The following RUNX1 variants were observed in gnomAD, a reference collection of about 807,000 sequenced individuals.
RUNX1 encodes runt-related transcription factor 1.
RUNX1 carries 19 observed loss-of-function variants against 42.8 expected under a neutral mutation model. The observed-to-expected ratio is 0.44, with a 90% CI of 0.31 to 0.65. The LOEUF is 0.65. Among genes scored for constraint, RUNX1 ranks in the 30% least tolerant of loss-of-function variants. The pLI is 0.07. For synonymous variants in RUNX1, 271 were observed against 289.4 expected, an observed-to-expected ratio of 0.94 and a Z score of 0.64; for missense variants, 528 against 672.0, an observed-to-expected ratio of 0.79 and a Z score of 2.37.
chr21:34,936,786 C>T (rs547496607), intron 2 of RUNX1, among the ~76,000 whole-genome samples: 4 of 152,258 alleles, frequency 2.6e-5, no homozygotes, highest in Admixed American at 6.5e-5. Context: ...TCGAAGCATT[C>T]GTCTCTGGTT....
chr21:35,044,969 G>C (rs2059385842), intron 2 of RUNX1, among the ~76,000 whole-genome samples: 1 of 152,168 alleles, frequency 6.6e-6, no homozygotes, highest in Non-Finnish European at 1.5e-5. Flanking sequence ...GTGAGCAGCT[G>C]TGGGGCCTCC....
intron 2 of RUNX1, among the ~76,000 whole-genome samples, chr21:34,894,437 GT>G (rs1263794139): frequency 6.6e-6 from 1 of 152,030 alleles, no homozygotes; most frequent in Non-Finnish European, 1.5e-5. Context: ...AACTTTCTTA[GT>G]TTGTTGTGTA....
intron 2 of RUNX1, among the ~76,000 whole-genome samples, chr21:34,989,014 C>CTCTCT (rs752573187): frequency 4.1e-5 from 6 of 145,854 alleles, no homozygotes; most frequent in African/African-American, 1.6e-4. Flanking sequence ...CTCTCTCTCT[C>CTCTCT]TTTTTTTTTT....
chr21:34,860,238 T>C (rs2248735), intron 5 of RUNX1, among the ~76,000 whole-genome samples: 37,031 of 152,152 alleles, frequency 0.24, 5,059 homozygotes, highest in Middle Eastern at 0.39. Flanking sequence ...ATGCACAAAA[T>C]TTCCATTACA....
intron 3 of RUNX1, chr21:34,889,657 G>GCCCCAGGTGCGGAACCCA (rs1324656244): frequency 6.3e-5 from 71 of 1,125,746 alleles, no homozygotes; most frequent in Non-Finnish European, 7.3e-5. Context: ...CGCTCGAGCG[G>GCCCCAGGTGCGGAACCCA]CCCCAGGTGC....
chr21:34,882,223 C>G (rs1320789995), intron 4 of RUNX1, among the ~76,000 whole-genome samples: 3 of 152,186 alleles, frequency 2.0e-5, no homozygotes, highest in Non-Finnish European at 4.4e-5. Context: ...TCAAGATTCC[C>G]ATTTTCATGA....
At chr21:34,936,055 T>A (rs1276278481) in intron 2 of RUNX1, among the ~76,000 whole-genome samples, 1 of 152,170 alleles carries the variant, frequency 6.6e-6, no homozygotes, top group Non-Finnish European at 1.5e-5. Flanking sequence ...AAGAGGTGAC[T>A]AACATGGCGG....
chr21:34,973,761 C>T (rs1212504888), intron 2 of RUNX1, among the ~76,000 whole-genome samples: 2 of 152,214 alleles, frequency 1.3e-5, no homozygotes, highest in Non-Finnish European at 2.9e-5. Context: ...TCATCTGACA[C>T]TGTTAGCTTC....
intron 6 of RUNX1, among the ~76,000 whole-genome samples, chr21:34,858,949 C>T (rs2057532249): frequency 6.6e-6 from 1 of 152,174 alleles, no homozygotes; most frequent in Admixed American, 6.5e-5. Context: ...CTTCTACCCT[C>T]CCACTCTCTA....
chr21:34,831,626 C>T (rs956290640), intron 7 of RUNX1, among the ~76,000 whole-genome samples: 1 of 152,210 alleles, frequency 6.6e-6, no homozygotes, highest in African/African-American at 2.4e-5. Flanking sequence ...CACTGTGGAA[C>T]TACTCTGACA....
At chr21:34,848,013 T>C (rs1482089282) in intron 6 of RUNX1, among the ~76,000 whole-genome samples, 2 of 152,180 alleles carry the variant, frequency 1.3e-5, no homozygotes, top group Non-Finnish European at 2.9e-5. Flanking sequence ...ATAAGGTCTT[T>C]GGGACATGGT....
chr21:34,935,141 T>C (rs1247506696), intron 2 of RUNX1, among the ~76,000 whole-genome samples: 1 of 152,214 alleles, frequency 6.6e-6, no homozygotes, highest in Non-Finnish European at 1.5e-5. Flanking sequence ...ACTTCTATAA[T>C]GAAAATAATC....
rs377088907 is a variant in RUNX1 at position 34,935,655 on chromosome 21, T to A, written c.59-42692A>T. 3.0e-4 allele frequency among the ~76,000 whole-genome samples: 46 copies of A among 152,102 alleles called. 2 individuals carry two copies. The highest frequency in any genetic ancestry group is 1.1e-3 in the African/African-American group (45 of 41,460). On this transcript the variant is annotated intron_variant, in intron 2 of 8. Transcript: ENST00000675419. The stretch of plus-strand genomic sequence containing the variant: ...CTCTTGACATTTTGGGCTGGATGAA[T>A]CATTGCTGTGGAGAGCTATGCTGTG...
chr21:34,975,170 CT>C (rs1164542962), intron 2 of RUNX1, among the ~76,000 whole-genome samples: 1 of 152,234 alleles, frequency 6.6e-6, no homozygotes, highest in Non-Finnish European at 1.5e-5. Context: ...AGACTTCCCC[CT>C]GGATCTTTTC....
At chr21:34,937,640 A>G (rs377534887) in intron 2 of RUNX1, among the ~76,000 whole-genome samples, 8 of 151,484 alleles carry the variant, frequency 5.3e-5, no homozygotes, top group East Asian at 3.9e-4. Flanking sequence ...TTGAGGCTCA[A>G]TGTGGGGTTC....
intron 7 of RUNX1, among the ~76,000 whole-genome samples, chr21:34,799,819 A>AT (rs1341327230): frequency 1.3e-5 from 2 of 152,178 alleles, no homozygotes; most frequent in Non-Finnish European, 2.9e-5. Context: ...TGCTGACATG[A>AT]TTTCAGCTTT....
chr21:34,941,070 G>A (rs1347155872), intron 2 of RUNX1, among the ~76,000 whole-genome samples: 4 of 152,128 alleles, frequency 2.6e-5, no homozygotes, highest in Non-Finnish European at 5.9e-5. Flanking sequence ...CTAAAGGTCC[G>A]GACAGAATTA....
chr21:34,830,143 T>C (rs2243988), intron 7 of RUNX1, among the ~76,000 whole-genome samples: 68,810 of 152,078 alleles, frequency 0.45, 18,629 homozygotes, highest in Middle Eastern at 0.63. Context: ...CTTGGCCATA[T>C]GGAACACTCA....
rs1377752649 is a variant in RUNX1 at position 34,843,446 on chromosome 21, A to AACATACACACATACTG, written c.614-8861_614-8846dup. Among the ~76,000 whole-genome samples the AACATACACACATACTG allele has an allele frequency of 6.6e-6, 1 of 152,060 alleles. No homozygotes were observed. Among genetic ancestry groups the AACATACACACATACTG allele is most frequent in the Non-Finnish European group, 1.5e-5 (1 of 68,010 alleles). On this transcript the variant is annotated intron_variant, in intron 6 of 8. Transcript: ENST00000675419. This position sits in a 1 kb window ranked among gnomAD's most constrained non-coding sequence, Gnocchi z 4.8. ...ACAGACATGGGGACACATATATACA[A>AACATACACACATACTG]ACATACACACATACTGACATACACA...
Sources: allele counts gnomAD v4.1 joint callset (sites outside exome capture counted in the v4.1 genomes callset), GRCh38; gene constraint gnomAD v4.1.1; non-coding constraint Gnocchi (gnomAD v3.1); transcripts MANE v1.5; gene names NCBI Gene and HGNC (gene_info 2026-07-23, HGNC 2026-07-21).